DNM3: variants seen among roughly 807,000 people sequenced by gnomAD.
The protein encoded by DNM3 is dynamin-3.
Under a neutral mutation model 101.6 loss-of-function variants are expected in DNM3, and 47 were observed. The ratio of observed to expected loss-of-function variants is 0.46; its 90% CI spans 0.37 to 0.59. The LOEUF (loss-of-function observed/expected upper bound fraction) is 0.59. DNM3 is among the 20% of genes least tolerant of loss of function. DNM3 has a pLI of 0.00. For missense variants in DNM3, 849 were observed against 1,085.7 expected (o/e 0.78, Z 3.06); for synonymous variants, 385 against 387.9 (o/e 0.99, Z 0.09).
intron 17 of DNM3, among the ~76,000 whole-genome samples, chr1:172,340,043 T>C (rs1003084313): frequency 6.6e-6 from 1 of 152,178 alleles, no homozygotes; most frequent in Non-Finnish European, 1.5e-5. Flanking sequence ...GAGTGGTGTT[T>C]TAGATTGTGC....
At position 172,354,815 on chromosome 1, in the gene DNM3, C is replaced by A. The variant is rs541789281; in HGVS notation, c.1894-24203C>A. ...CACAAGAGCTTTGGATGTACTTAGA[C>A]ATATGGAGATAGGAGAAAATACTTC... On this transcript the variant is annotated intron_variant, in intron 17 of 20. Coordinates refer to ENST00000627582, the MANE Select transcript of DNM3 (RefSeq NM_015569.5). Among the ~76,000 whole-genome samples the A allele has an allele frequency of 7.9e-5, 12 of 152,128 alleles. No individual in the cohort carries two copies. In the South Asian group the frequency reaches 2.5e-3, roughly 32 times the overall value.
chr1:172,025,818 C>A (rs1315265132), intron 4 of DNM3, among the ~76,000 whole-genome samples: 2 of 152,074 alleles, frequency 1.3e-5, no homozygotes, highest in East Asian at 1.9e-4. Flanking sequence ...ACCTCAAAGA[C>A]CAAAGGTAGA....
intron 17 of DNM3, among the ~76,000 whole-genome samples, chr1:172,334,890 G>A (rs1370784274): frequency 6.6e-6 from 1 of 152,010 alleles, no homozygotes; most frequent in Non-Finnish European, 1.5e-5. Context: ...ATAAATTTGG[G>A]TAACTTTTAT....
intron 2 of DNM3, among the ~76,000 whole-genome samples, chr1:171,951,931 A>G (rs983708429): frequency 2.6e-5 from 4 of 152,188 alleles, no homozygotes; most frequent in African/African-American, 7.2e-5. Flanking sequence ...GGTTCAGCCT[A>G]AAAAGGAAGA....
intron 17 of DNM3, among the ~76,000 whole-genome samples, chr1:172,326,805 A>G (rs1225256987): frequency 6.6e-6 from 1 of 152,114 alleles, no homozygotes; most frequent in Non-Finnish European, 1.5e-5. Flanking sequence ...ACAAATGAAA[A>G]CTAAAATGAA....
intron 4 of DNM3, among the ~76,000 whole-genome samples, chr1:172,002,931 C>T (rs1289760315): frequency 6.6e-6 from 1 of 151,812 alleles, no homozygotes; most frequent in Non-Finnish European, 1.5e-5. Flanking sequence ...TCCTTTTTTG[C>T]CACTGGGGGT....
chr1:171,900,753 A>G (rs2038238980), intron 1 of DNM3, among the ~76,000 whole-genome samples: 1 of 152,148 alleles, frequency 6.6e-6, no homozygotes, highest in Admixed American at 6.6e-5. Context: ...CTTTTTCCCC[A>G]AGGTTAAAAA....
intron 15 of DNM3, among the ~76,000 whole-genome samples, chr1:172,306,473 A>G (rs902942757): frequency 3.3e-5 from 5 of 152,214 alleles, no homozygotes; most frequent in Non-Finnish European, 7.3e-5. Flanking sequence ...TTATAGGTTC[A>G]ATGCCATCCC....
intron 20 of DNM3, among the ~76,000 whole-genome samples, chr1:172,404,442 A>G (rs2070736043): frequency 6.6e-6 from 1 of 152,030 alleles, no homozygotes; most frequent in Non-Finnish European, 1.5e-5. Context: ...ACATAGCAGA[A>G]CCATATGTTC....
rs2042996120 is a variant in DNM3 at position 171,958,382 on chromosome 1, G to A, written c.236-29274G>A. Among the ~76,000 whole-genome samples, 3 of 152,184 alleles carry A rather than the reference G, an allele frequency of 2.0e-5. No individual in the cohort carries two copies. The South Asian group carries it at 6.2e-4, about 31-fold the overall frequency. On this transcript the variant is annotated intron_variant, in intron 2 of 20. Coordinates refer to ENST00000627582, the MANE Select transcript of DNM3 (RefSeq NM_015569.5). The stretch of plus-strand genomic sequence containing the variant: ...TATGTGTTTGTACTTGTATTTTTAT[G>A]TGTATGTGTATGTATGTGGAGGCAT...
At chr1:172,342,431 A>G (rs1558019859) in intron 17 of DNM3, among the ~76,000 whole-genome samples, 2 of 152,220 alleles carry the variant, frequency 1.3e-5, no homozygotes, top group African/African-American at 4.8e-5. Flanking sequence ...GCGGCCATTA[A>G]AAAGAACAAG....
chr1:172,337,168 A>G (rs1347611648), intron 17 of DNM3, among the ~76,000 whole-genome samples: 1 of 152,164 alleles, frequency 6.6e-6, no homozygotes, highest in East Asian at 1.9e-4. Flanking sequence ...GGACTTTACT[A>G]TTTAATAAGG....
At chr1:172,168,260 T>G (rs369320522) in intron 14 of DNM3, among the ~76,000 whole-genome samples, 2 of 149,652 alleles carry the variant, frequency 1.3e-5, no homozygotes, top group Non-Finnish European at 3.0e-5. Context: ...TTTTTTTTTG[T>G]CTTTTCTTAA....
At chr1:172,244,775 G>A (rs1002772115) in intron 14 of DNM3, among the ~76,000 whole-genome samples, 3 of 151,912 alleles carry the variant, frequency 2.0e-5, no homozygotes, top group Non-Finnish European at 4.4e-5. Flanking sequence ...AACTAGTTCA[G>A]CCATTGTGGA....
At chr1:172,296,069 G>C (rs1011888967) in intron 15 of DNM3, among the ~76,000 whole-genome samples, 5 of 152,076 alleles carry the variant, frequency 3.3e-5, no homozygotes, top group African/African-American at 1.2e-4. Flanking sequence ...TATAAAATTA[G>C]CAAACATACT....
intron 13 of DNM3, among the ~76,000 whole-genome samples, chr1:172,100,737 AG>A (rs1558569134): frequency 6.6e-6 from 1 of 152,190 alleles, no homozygotes; most frequent in Non-Finnish European, 1.5e-5. Flanking sequence ...GATAGAATCG[AG>A]CACTATTTAA....
intron 15 of DNM3, among the ~76,000 whole-genome samples, chr1:172,306,943 A>G (rs1016282376): frequency 2.0e-5 from 3 of 152,186 alleles, no homozygotes; most frequent in Non-Finnish European, 4.4e-5. Flanking sequence ...AACCTAGGCA[A>G]TACCATTCAG....
intron 2 of DNM3, among the ~76,000 whole-genome samples, chr1:171,925,043 G>A (rs1038599908): frequency 3.3e-5 from 5 of 151,604 alleles, no homozygotes; most frequent in African/African-American, 9.7e-5. Context: ...GGGATTACAG[G>A]TGCCCACCAC....
chr1:172,025,124 G>A (rs1049125061), intron 4 of DNM3, among the ~76,000 whole-genome samples: 1 of 152,212 alleles, frequency 6.6e-6, no homozygotes, highest in Non-Finnish European at 1.5e-5. Context: ...GGGGAGGGGC[G>A]TCTGCCATTA....
Sources: gnomAD v4.1 joint callset for allele counts (sites outside exome capture counted in the v4.1 genomes callset) on GRCh38, gnomAD v4.1.1 for gene constraint, MANE v1.5 for transcripts, NCBI Gene and HGNC (gene_info 2026-07-23, HGNC 2026-07-21) for gene names.